The following LGSN variants were observed in gnomAD, a reference collection of about 807,000 sequenced individuals.
LGSN encodes the protein lengsin.
Under a neutral mutation model 19.5 loss-of-function variants are expected in LGSN, and 21 were observed. The ratio of observed to expected loss-of-function variants is 1.07; its 90% CI spans 0.76 to 1.55. The LOEUF is 1.55. Ranked by LOEUF, LGSN falls within the 40% of genes most tolerant of loss-of-function variation. The pLI, the probability that LGSN is intolerant of heterozygous loss-of-function variation, is 0.00. For missense variants in LGSN, 673 were observed against 608.5 expected (o/e 1.11, Z -1.12); for synonymous variants, 257 against 215.6 (o/e 1.19, Z -1.68).
chr6:63,551,194 T>C, the LGSN span, among the ~76,000 whole-genome samples: 1 of 152,010 alleles, frequency 6.6e-6, no homozygotes, highest in Non-Finnish European at 1.5e-5. Flanking sequence ...GCCTCCCAAA[T>C]AGCTGGGACT....
chr6:63,452,653 T>TTCTCTC, the LGSN span, among the ~76,000 whole-genome samples: 631 of 147,586 alleles, frequency 4.3e-3, 2 homozygotes, highest in African/African-American at 4.1e-3. Flanking sequence ...TATGTTATCT[T>TTCTCTC]TCTCTCTCTC....
the LGSN span, among the ~76,000 whole-genome samples, chr6:63,478,401 G>A: frequency 6.6e-6 from 1 of 152,106 alleles, no homozygotes; most frequent in African/African-American, 2.4e-5. Context: ...GTTTCTTTTT[G>A]GGGGTGATGA....
At chr6:63,488,105 A>G in the LGSN span, among the ~76,000 whole-genome samples, 1 of 152,136 alleles carries the variant, frequency 6.6e-6, no homozygotes. Context: ...CCATATTAAT[A>G]ATATCCAGCT....
At chr6:63,505,567 A>AAAAGAAGAAAG in the LGSN span, among the ~76,000 whole-genome samples, 1 of 32,344 alleles carries the variant, frequency 3.1e-5, no homozygotes, top group African/African-American at 7.8e-5. Context: ...AAAAAAAAAA[A>AAAAGAAGAAAG]AGAAAGAAAG....
chr6:63,341,131 A>ACTGGAAT, the LGSN span, among the ~76,000 whole-genome samples: 2 of 152,094 alleles, frequency 1.3e-5, no homozygotes, highest in African/African-American at 4.8e-5. Flanking sequence ...TCTGCTGGAA[A>ACTGGAAT]CTGGAACACC....
chr6:63,531,831 C>CT, the LGSN span, among the ~76,000 whole-genome samples: 380 of 144,166 alleles, frequency 2.6e-3, no homozygotes, highest in East Asian at 5.2e-3. Flanking sequence ...GCCACATACA[C>CT]TTTTTTTTTT....
the LGSN span, among the ~76,000 whole-genome samples, chr6:63,554,786 C>CA: frequency 1.8e-4 from 28 of 151,680 alleles, no homozygotes; most frequent in Non-Finnish European, 2.8e-4. Context: ...AAGTCTGTCT[C>CA]AAAAAAATGG....
chr6:63,324,453 T>A (rs1315750184), upstream of LGSN, among the ~76,000 whole-genome samples: 4 of 152,200 alleles, frequency 2.6e-5, no homozygotes, highest in Admixed American at 2.6e-4. Flanking sequence ...ATAAAACAAC[T>A]GAGAATACAC....
upstream of LGSN, among the ~76,000 whole-genome samples, chr6:63,321,562 AT>A (rs941808522): frequency 6.6e-6 from 1 of 151,976 alleles, no homozygotes; most frequent in East Asian, 1.9e-4. Flanking sequence ...TGTATCCATG[AT>A]TTTTTTATAA....
the LGSN span, among the ~76,000 whole-genome samples, chr6:63,478,884 A>G: frequency 6.6e-6 from 1 of 152,202 alleles, no homozygotes; most frequent in Non-Finnish European, 1.5e-5. Context: ...TTTTCCTTCT[A>G]CAGTGTCAGC....
chr6:63,411,999 T>C, the LGSN span, among the ~76,000 whole-genome samples: 3 of 152,232 alleles, frequency 2.0e-5, no homozygotes, highest in African/African-American at 7.2e-5. Context: ...AAAATGAGTT[T>C]TTATTTCTTC....
the LGSN span, among the ~76,000 whole-genome samples, chr6:63,341,836 C>CA: frequency 2.9e-3 from 448 of 152,026 alleles, 3 homozygotes; most frequent in African/African-American, 0.01. Context: ...ATTATCACAA[C>CA]GAAACAGAAA....
At position 63,280,755 on chromosome 6, in the gene LGSN, T is replaced by C. The variant is rs566852509; in HGVS notation, c.796A>G (p.Met266Val). ...SFSSSTRPGQ[M>V]EISFLPEFGI... The stretch of plus-strand genomic sequence containing the variant: ...AATTCAGGCAGGAAAGAGATTTCCA[T>C]CTGACCAGGCCTGGTAGAGGAGGAA... Residue 266 changes from methionine to valine, a missense_variant, in exon 4 of 4, where the codon ATG becomes GTG. Transcript: ENST00000370657. The C allele has an allele frequency of 2.6e-5, 42 of 1,614,102 alleles. No homozygotes were observed. Among genetic ancestry groups the C allele is most frequent in the Middle Eastern group, 3.3e-4 (2 of 6,062 alleles).
chr6:63,328,983 T>C, the LGSN span, among the ~76,000 whole-genome samples: 1 of 152,210 alleles, frequency 6.6e-6, no homozygotes, highest in African/African-American at 2.4e-5. Context: ...AGGGCCCTGG[T>C]CCCTCTGGCT....
At chr6:63,325,029 G>C in the LGSN span, among the ~76,000 whole-genome samples, 2 of 150,676 alleles carry the variant, frequency 1.3e-5, no homozygotes, top group African/African-American at 4.9e-5. Context: ...TCTTGAACCT[G>C]GGAGGCAGAG....
chr6:63,329,417 G>T, the LGSN span, among the ~76,000 whole-genome samples: 1 of 152,204 alleles, frequency 6.6e-6, no homozygotes, highest in Non-Finnish European at 1.5e-5. Context: ...TGGAATTACT[G>T]CCTCAATGAG....
the LGSN span, among the ~76,000 whole-genome samples, chr6:63,422,167 G>A: frequency 1.1e-4 from 16 of 152,216 alleles, no homozygotes; most frequent in Admixed American, 5.9e-4. Context: ...GGGTTCAAGC[G>A]ATCCTCCCAC....
chr6:63,551,993 C>T, the LGSN span, among the ~76,000 whole-genome samples: 1 of 152,176 alleles, frequency 6.6e-6, no homozygotes, highest in Non-Finnish European at 1.5e-5. Flanking sequence ...AGTAGTGCCA[C>T]AATAAACATA....
At chr6:63,410,760 G>C in the LGSN span, among the ~76,000 whole-genome samples, 1 of 152,178 alleles carries the variant, frequency 6.6e-6, no homozygotes, top group African/African-American at 2.4e-5. Context: ...CAAGTATTTA[G>C]TATGGTATTG....
Sources: allele counts gnomAD v4.1 joint callset (sites outside exome capture counted in the v4.1 genomes callset), GRCh38; gene constraint gnomAD v4.1.1; transcripts MANE v1.5; gene names NCBI Gene and HGNC (gene_info 2026-07-23, HGNC 2026-07-21).